PRKCI: variants seen among roughly 807,000 people sequenced by gnomAD.
The protein encoded by PRKCI is protein kinase C iota, also known as protein kinase C iota type.
PRKCI carries 43 observed loss-of-function variants against 84.0 expected under a neutral mutation model. The ratio of observed to expected loss-of-function variants is 0.51; its 90% CI spans 0.40 to 0.66. PRKCI has a LOEUF of 0.66. PRKCI is among the 30% of genes least tolerant of loss of function. The pLI is 0.00. For synonymous variants in PRKCI, 216 were observed against 234.4 expected, an observed-to-expected ratio of 0.92 and a Z score of 0.72; for missense variants, 459 against 745.6, an observed-to-expected ratio of 0.62 and a Z score of 4.48.
intron 3 of PRKCI, 29 bp downstream of exon 3, chr3:170,260,087 C>A: frequency 5.1e-6 from 7 of 1,383,082 alleles, no homozygotes; most frequent in Non-Finnish European, 7.1e-6. Context: ...CATACTCGTC[C>A]AGACTGATAA....
chr3:170,268,917 T>TTA (rs778155675), intron 5 of PRKCI, among the ~76,000 whole-genome samples: 9,990 of 145,528 alleles, frequency 0.069, 691 homozygotes, highest in African/African-American at 0.2. Flanking sequence ...TATTTATTTA[T>TTA]TTTTTTTTTA....
intron 7 of PRKCI, among the ~76,000 whole-genome samples, chr3:170,274,875 T>A (rs1232284066): frequency 2.0e-5 from 3 of 152,162 alleles, no homozygotes; most frequent in Non-Finnish European, 4.4e-5. Context: ...TACTAAAAAA[T>A]TTAAACATAT....
intron 17 of PRKCI, among the ~76,000 whole-genome samples, chr3:170,302,505 CTG>C (rs1734846154): frequency 6.6e-6 from 1 of 152,304 alleles, no homozygotes; most frequent in African/African-American, 2.4e-5. Context: ...GCACTACTCA[CTG>C]TATATTAAAG....
At chr3:170,258,279 C>CA (rs1198515592) in intron 2 of PRKCI, among the ~76,000 whole-genome samples, 2 of 151,170 alleles carry the variant, frequency 1.3e-5, no homozygotes, top group Admixed American at 1.3e-4. Context: ...GACTCACTTT[C>CA]ACTCGCTCAG....
chr3:170,295,745 T>G (rs919163101), intron 14 of PRKCI, among the ~76,000 whole-genome samples, 166 bp from the exon 15 acceptor site: 15 of 151,376 alleles, frequency 9.9e-5, no homozygotes, highest in Non-Finnish European at 1.9e-4. Context: ...CTTGGGAGGT[T>G]GAGGTGGAAG....
intron 2 of PRKCI, among the ~76,000 whole-genome samples, chr3:170,238,231 C>T (rs1328307795): frequency 1.3e-5 from 2 of 151,976 alleles, no homozygotes; most frequent in East Asian, 3.9e-4. Context: ...AGCGTGGTGG[C>T]GGGTGCCTGT....
chr3:170,274,525 G>A lies in PRKCI; in HGVS notation c.647-704G>A, dbSNP rs533232143. On this transcript the variant is annotated intron_variant, in intron 7 of 17. Coordinates refer to ENST00000295797, the MANE Select transcript of PRKCI (RefSeq NM_002740.6). ...GCAATATAGGAAATTCCAGGAAGATGGTGTAACTGAAAACGTTAGATAGAT... is the reference window on the plus strand; with the variant it reads ...GCAATATAGGAAATTCCAGGAAGATAGTGTAACTGAAAACGTTAGATAGAT... 5.3e-4 allele frequency among the ~76,000 whole-genome samples: 81 copies of A among 152,298 alleles called. 1 individual carries two copies. The South Asian group carries it at 0.013, about 24-fold the overall frequency.
intron 6 of PRKCI, among the ~76,000 whole-genome samples, chr3:170,270,831 C>T (rs1054695114): frequency 9.9e-5 from 15 of 151,946 alleles, no homozygotes; most frequent in Non-Finnish European, 2.1e-4. Context: ...ATAGAGAGAA[C>T]CATTTAAGAG....
rs189328395 is a variant in PRKCI, at chr3:170,225,154, C to T, written c.101+2384C>T. Among the ~76,000 whole-genome samples, 6 of 152,292 alleles carry T rather than the reference C, an allele frequency of 3.9e-5. No homozygotes were observed. The East Asian group carries it at 5.8e-4, about 15-fold the overall frequency. On this transcript the variant is annotated intron_variant, in intron 1 of 17. Transcript: ENST00000295797. The stretch of plus-strand genomic sequence containing the variant: ...TTTTAAAATCTGTGAAATTTTGCTG[C>T]GGCGCAAATAACCTCTTGCCCATTG...
chr3:170,228,570 GTC>G (rs1406621048), intron 1 of PRKCI, among the ~76,000 whole-genome samples: 1 of 150,524 alleles, frequency 6.6e-6, no homozygotes, highest in African/African-American at 2.5e-5. Flanking sequence ...GTGAGACCCT[GTC>G]TCACACACAC....
intron 6 of PRKCI, 106 bp from the exon 7 acceptor site, chr3:170,273,180 T>A: frequency 2.2e-6 from 2 of 911,564 alleles, no homozygotes; most frequent in Non-Finnish European, 3.5e-6. Context: ...TAAGTTATAT[T>A]CTTTCAAAAT....
chr3:170,248,834 G>T lies in PRKCI; in HGVS notation c.224-11135G>T, dbSNP rs1185330621. Among the ~76,000 whole-genome samples the T allele has an allele frequency of 2.0e-5, 3 of 150,760 alleles. No individual in the cohort carries two copies. The East Asian group carries it at 5.8e-4, about 29-fold the overall frequency. ...AGCAAAAGTGAGATGGTCAGAATTG[G>T]CTTTTTTCTTTTTCTTTTCTTTTTT... On this transcript the variant is annotated intron_variant, in intron 2 of 17. Transcript: ENST00000295797.
intron 3 of PRKCI, among the ~76,000 whole-genome samples, chr3:170,262,463 GT>G (rs1219869559): frequency 5.9e-5 from 9 of 151,988 alleles, no homozygotes; most frequent in Non-Finnish European, 8.8e-5. Context: ...TGATGCATTG[GT>G]TTTTTTGTTT....
intron 9 of PRKCI, among the ~76,000 whole-genome samples, chr3:170,280,623 A>G (rs1734220463): frequency 1.3e-5 from 2 of 151,954 alleles, no homozygotes; most frequent in Non-Finnish European, 1.5e-5. Flanking sequence ...TAATTTTTGT[A>G]TTTTTAGTAG....
chr3:170,300,099 G>A (rs891813777), intron 17 of PRKCI, among the ~76,000 whole-genome samples: 1 of 152,062 alleles, frequency 6.6e-6, no homozygotes, highest in Non-Finnish European at 1.5e-5. Flanking sequence ...CTTATTGTTT[G>A]GCAGTCATTT....
intron 1 of PRKCI, among the ~76,000 whole-genome samples, chr3:170,225,172 G>T (rs1277270625): frequency 6.6e-6 from 1 of 152,140 alleles, no homozygotes; most frequent in Non-Finnish European, 1.5e-5. Context: ...ATAACCTCTT[G>T]CCCATTGTAT....
chr3:170,222,746 T>G lies in PRKCI; in HGVS notation c.77T>G (p.Val26Gly). 3.8e-6 allele frequency: 6 copies of G among 1,591,458 alleles called. No homozygotes were observed. Among genetic ancestry groups the G allele is most frequent in the East Asian group, 2.3e-5 (1 of 42,940 alleles). ...GGGSGDHSHQ[V>G]RVKAYYRGDI... Reference sequence around the variant, plus strand: ...GGCAGCGGGGACCATTCCCACCAGGTCCGGGTGAAAGCCTACTACCGCGGG... The same window carrying G: ...GGCAGCGGGGACCATTCCCACCAGGGCCGGGTGAAAGCCTACTACCGCGGG... The change falls in exon 1 of 18, where the codon GTC becomes GGC. Residue 26 changes from valine (V) to glycine (G), a missense_variant. Coordinates refer to ENST00000295797, the MANE Select transcript of PRKCI (RefSeq NM_002740.6).
intron 2 of PRKCI, among the ~76,000 whole-genome samples, chr3:170,248,638 A>G (rs1490456610): frequency 6.6e-6 from 1 of 152,204 alleles, no homozygotes; most frequent in Non-Finnish European, 1.5e-5. Context: ...TCAGTCCAAG[A>G]AAAACAAAAT....
At chr3:170,229,724 G>C (rs1448328553) in intron 1 of PRKCI, among the ~76,000 whole-genome samples, 3 of 152,134 alleles carry the variant, frequency 2.0e-5, no homozygotes, top group African/African-American at 7.2e-5. Context: ...TATGGTCAAA[G>C]ATATGCCTAT....
Sources: allele counts gnomAD v4.1 joint callset (sites outside exome capture counted in the v4.1 genomes callset), GRCh38; gene constraint gnomAD v4.1.1; transcripts MANE v1.5; gene names NCBI Gene and HGNC (gene_info 2026-07-23, HGNC 2026-07-21).